MAP7: variants seen among roughly 807,000 people sequenced by gnomAD.
MAP7 encodes ensconsin.
A neutral mutation model predicts 94.8 loss-of-function variants in MAP7; 52 were observed. The observed-to-expected ratio is 0.55, with a 90% confidence interval of 0.44 to 0.69. The LOEUF (loss-of-function observed/expected upper bound fraction) is 0.69, where lower values mean the gene tolerates loss of function less well. MAP7 is among the 30% of genes least tolerant of loss of function. The pLI, the probability that MAP7 is intolerant of heterozygous loss-of-function variation, is 0.00. For missense variants in MAP7, 940 were observed against 964.6 expected (o/e 0.97, Z 0.34); for synonymous variants, 350 against 357.0 (o/e 0.98, Z 0.22).
Position 136,389,414 on chromosome 6 carries a change from C to T in MAP7, c.348G>A (p.Lys116=). ...RKKRLEEQRQ[K]EERRRAAVEE... ...CCACAGCAGCCCTCCTCCGCTCCTC[C>T]TTCTGCCTCTGCTCCTCCAACCTCT... The change falls in exon 4 of 18, where the codon AAG becomes AAA. Residue 116 remains lysine, a synonymous_variant. Transcript: ENST00000354570. 1 of 1,594,282 alleles carries T rather than the reference C, an allele frequency of 6.3e-7. No homozygotes were observed. The highest frequency in any genetic ancestry group is 8.5e-7 in the Non-Finnish European group (1 of 1,172,546).
chr6:136,505,273 GTGTGTATA>G (rs1413192033), intron 1 of MAP7, among the ~76,000 whole-genome samples: 45 of 69,834 alleles, frequency 6.4e-4, no homozygotes, highest in East Asian at 1.4e-3. Context: ...GTGTGTGTGT[GTGTGTATA>G]TATATATATA....
chr6:136,416,445 T>C lies in MAP7; in HGVS notation c.167-4748A>G, dbSNP rs535240090. Among the ~76,000 whole-genome samples, 11 of 152,330 alleles carry C rather than the reference T, an allele frequency of 7.2e-5. No homozygotes were observed. The South Asian group carries it at 2.3e-3, about 32-fold the overall frequency. Reference sequence around the variant, plus strand: ...GAATTTCCTATAATTCATTGCCTTCTTTCTCGTTTCCACCCCCACTTATTT... The same window carrying C: ...GAATTTCCTATAATTCATTGCCTTCCTTCTCGTTTCCACCCCCACTTATTT... On this transcript the variant is annotated intron_variant, in intron 2 of 17. Transcript: ENST00000354570.
intron 1 of MAP7, chr6:136,466,981 TTTTA>T: frequency 9.4e-6 from 11 of 1,170,456 alleles, no homozygotes; most frequent in Non-Finnish European, 1.1e-5. Flanking sequence ...CAGCCACTGT[TTTTA>T]AACAGTAACC....
intron 3 of MAP7, among the ~76,000 whole-genome samples, chr6:136,407,839 T>C (rs1786112082): frequency 6.6e-6 from 1 of 152,252 alleles, no homozygotes; most frequent in South Asian, 2.1e-4. Flanking sequence ...CTAGGGTCTC[T>C]AGCAGAAGCA....
rs116946325 is a variant in MAP7 at position 136,410,179 on chromosome 6, C to T, written c.244+1441G>A. 6.1e-4 allele frequency among the ~76,000 whole-genome samples: 93 copies of T among 152,252 alleles called. 2 individuals are homozygous for T. In the East Asian group the frequency reaches 0.015, roughly 24 times the overall value. On this transcript the variant is annotated intron_variant, in intron 3 of 17. Transcript: ENST00000354570. ...GATTTAAACCATAAAGGAATGCTCTCCCGACCTATGGAACTCCTTCTATTC... is the reference window on the plus strand; with the variant it reads ...GATTTAAACCATAAAGGAATGCTCTTCCGACCTATGGAACTCCTTCTATTC...
chr6:136,539,092 C>T (rs917540413), intron 1 of MAP7, among the ~76,000 whole-genome samples: 9 of 152,122 alleles, frequency 5.9e-5, no homozygotes, highest in African/African-American at 2.2e-4. Flanking sequence ...CTTAGCATGC[C>T]AGGGTGTGCC....
intron 1 of MAP7, among the ~76,000 whole-genome samples, chr6:136,495,143 C>T (rs900163929): frequency 7.9e-5 from 12 of 152,096 alleles, no homozygotes; most frequent in South Asian, 2.1e-4. Flanking sequence ...CTTCTATCTC[C>T]GTTGAATCTC....
At position 136,362,597 on chromosome 6, in the gene MAP7, G is replaced by A; in HGVS notation, c.1379C>T (p.Thr460Ile). 6.2e-7 allele frequency: 1 copy of A among 1,614,108 alleles called. No individual in the cohort carries two copies. Among genetic ancestry groups the A allele is most frequent in the Non-Finnish European group, 8.5e-7 (1 of 1,180,024 alleles). The change falls in exon 11 of 18, where the codon ACT (threonine) becomes ATT (isoleucine). Residue 460 changes from threonine to isoleucine, a missense_variant. By Grantham distance (89) the Thr-to-Ile change is moderately conservative. Coordinates refer to ENST00000354570, the MANE Select transcript of MAP7 (RefSeq NM_003980.6). ...TPAMVSAPSS[T>I]VNASASVKTS... ...CTTAACAGAAGCACTGGCATTCACA[G>A]TGGATGACGGGGCTGAGACCATGGC...
intron 2 of MAP7, among the ~76,000 whole-genome samples, chr6:136,413,574 C>T (rs1439953738): frequency 1.3e-5 from 2 of 151,706 alleles, no homozygotes; most frequent in Non-Finnish European, 2.9e-5. Flanking sequence ...AATAGCAGTG[C>T]TTTGGCAACA....
chr6:136,491,225 T>A (rs967841609), intron 1 of MAP7, among the ~76,000 whole-genome samples: 3 of 152,180 alleles, frequency 2.0e-5, no homozygotes, highest in Admixed American at 6.5e-5. Context: ...GTTTTCTTCA[T>A]TGTACTTTGT....
intron 1 of MAP7, among the ~76,000 whole-genome samples, chr6:136,483,129 CAAAAAAA>C (rs57320038): frequency 0.14 from 11,778 of 83,202 alleles, 1,092 homozygotes; most frequent in African/African-American, 0.32. Flanking sequence ...AAGTATCTTT[CAAAAAAA>C]AAAAAAAAAA....
intron 2 of MAP7, among the ~76,000 whole-genome samples, chr6:136,414,332 G>C (rs1047200499): frequency 4.8e-5 from 6 of 124,702 alleles, no homozygotes; most frequent in African/African-American, 1.8e-4. Flanking sequence ...ATATTTTTCA[G>C]ATTTCCTAAT....
intron 17 of MAP7, 182 bp downstream of exon 17, chr6:136,345,674 T>G: frequency 1.5e-6 from 1 of 679,190 alleles, no homozygotes; most frequent in Non-Finnish European, 2.7e-6. Flanking sequence ...GCCTTAGAAG[T>G]TGTCCAATCC....
chr6:136,350,079 A>T (rs1252629559), intron 16 of MAP7, among the ~76,000 whole-genome samples: 1 of 152,208 alleles, frequency 6.6e-6, no homozygotes, highest in East Asian at 1.9e-4. Context: ...CTCAATTTGA[A>T]TGAAAAGATA....
chr6:136,398,305 C>T (rs932187168), intron 3 of MAP7, among the ~76,000 whole-genome samples: 1 of 152,216 alleles, frequency 6.6e-6, no homozygotes, highest in African/African-American at 2.4e-5. Flanking sequence ...ACTATGGCAC[C>T]AACTTCCTGA....
At chr6:136,528,836 C>A (rs190683667) in intron 1 of MAP7, among the ~76,000 whole-genome samples, 1 of 152,282 alleles carries the variant, frequency 6.6e-6, no homozygotes, top group African/African-American at 2.4e-5. Flanking sequence ...CAAATAATAA[C>A]AATAAAGGAT....
At chr6:136,527,199 T>C (rs1451309499) in intron 1 of MAP7, among the ~76,000 whole-genome samples, 1 of 152,216 alleles carries the variant, frequency 6.6e-6, no homozygotes, top group Non-Finnish European at 1.5e-5. Context: ...CACAGAATCA[T>C]GTGACTATTG....
chr6:136,354,897 T>A (rs942921675), intron 16 of MAP7, among the ~76,000 whole-genome samples: 3 of 152,202 alleles, frequency 2.0e-5, no homozygotes, highest in Non-Finnish European at 4.4e-5. Context: ...ATAAATTAAC[T>A]TTATAGATCA....
intron 1 of MAP7, among the ~76,000 whole-genome samples, chr6:136,425,369 T>C (rs560415580): frequency 6.6e-6 from 1 of 152,212 alleles, no homozygotes; most frequent in Non-Finnish European, 1.5e-5. Flanking sequence ...TTTGTGGACA[T>C]AGACTTGTGA....
Sources: allele counts gnomAD v4.1 joint callset (sites outside exome capture counted in the v4.1 genomes callset), GRCh38; gene constraint gnomAD v4.1.1; transcripts MANE v1.5; gene names NCBI Gene and HGNC (gene_info 2026-07-23, HGNC 2026-07-21).